ZNF354A: variants seen among roughly 807,000 people sequenced by gnomAD.
ZNF354A encodes the protein epididymis luminal protein 104.
In ZNF354A, 25 loss-of-function variants were observed where a neutral mutation model predicts 53.3. The observed-to-expected ratio is 0.47, with a 90% confidence interval of 0.34 to 0.66. ZNF354A has a LOEUF of 0.66. Ranked by LOEUF, ZNF354A falls within the 30% of genes least tolerant of loss-of-function variation. ZNF354A has a pLI of 0.01. For missense variants in ZNF354A, 586 were observed against 716.8 expected, an observed-to-expected ratio of 0.82 and a Z score of 2.08; for synonymous variants, 228 against 249.0, an observed-to-expected ratio of 0.92 and a Z score of 0.79.
intron 4 of ZNF354A, among the ~76,000 whole-genome samples, chr5:178,722,107 T>C (rs114119586): frequency 3.3e-4 from 51 of 152,302 alleles, no homozygotes; most frequent in African/African-American, 1.2e-3. Context: ...TTTACCTGTC[T>C]TCCCTATGGG....
chr5:178,717,093 A>T lies in ZNF354A; in HGVS notation c.257-3472T>A, dbSNP rs556534290. On this transcript the variant is annotated intron_variant, in intron 4 of 4. Transcript: ENST00000335815. ...ACTCCATCTCAAAAAAAAAAAAAAAAAAAGTAAACAAAAAATAAAAAACAA... is the reference window on the plus strand; with the variant it reads ...ACTCCATCTCAAAAAAAAAAAAAAATAAAGTAAACAAAAAATAAAAAACAA... Among the ~76,000 whole-genome samples the T allele has an allele frequency of 1.8e-3, 271 of 151,782 alleles. 2 individuals are homozygous for T. Among genetic ancestry groups the T allele is most frequent in the African/African-American group, 6.0e-3 (247 of 41,436 alleles).
At position 178,713,108 on chromosome 5, in the gene ZNF354A, A is replaced by C; in HGVS notation, c.770T>G (p.Leu257Arg). The C allele has an allele frequency of 6.2e-7, 1 of 1,613,982 alleles. No individual in the cohort carries two copies. Among genetic ancestry groups the C allele is most frequent in the Non-Finnish European group, 8.5e-7 (1 of 1,179,884 alleles). Residue 257 changes from leucine (L) to arginine (R), a missense_variant, in exon 5 of 5, where the codon CTT (leucine) becomes CGT (arginine). Leu to Arg is a moderately radical substitution (Grantham distance 102). Transcript: ENST00000335815. ...CSKAFSQSSA[L>R]IQHQITHTGE... The stretch of plus-strand genomic sequence containing the variant: ...AGTATGCGTTATTTGATGTTGAATA[A>C]GAGCTGAACTTTGGCTAAAGGCTTT...
In ZNF354A at chr5:178,718,918, T is replaced by A. The variant is rs184650798; in HGVS notation, c.257-5297A>T. 1.8e-3 allele frequency among the ~76,000 whole-genome samples: 273 copies of A among 152,176 alleles called. 2 individuals are homozygous for A. The highest frequency in any genetic ancestry group is 6.0e-3 in the African/African-American group (250 of 41,528). ...TGGCTAATATTTTTATCTTGCGTAG[T>A]GACAGGGTTTCATTGTGTTGCCCAG... On this transcript the variant is annotated intron_variant, in intron 4 of 4. Coordinates refer to ENST00000335815, the MANE Select transcript of ZNF354A (RefSeq NM_005649.3).
At chr5:178,714,748 T>A (rs1765683699) in intron 4 of ZNF354A, among the ~76,000 whole-genome samples, 1 of 152,022 alleles carries the variant, frequency 6.6e-6, no homozygotes, top group Non-Finnish European at 1.5e-5. Context: ...TATACATACA[T>A]ACACATACAT....
At chr5:178,722,429 C>CCTAT (rs1023114898) in intron 4 of ZNF354A, among the ~76,000 whole-genome samples, 135 of 152,318 alleles carry the variant, frequency 8.9e-4, no homozygotes, top group African/African-American at 3.1e-3. Context: ...TTCTAGTGTT[C>CCTAT]CTATCTCACT....
At chr5:178,721,702 C>T (rs577513338) in intron 4 of ZNF354A, among the ~76,000 whole-genome samples, 1 of 152,276 alleles carries the variant, frequency 6.6e-6, no homozygotes, top group Admixed American at 6.5e-5. Context: ...GTTCTTCTCA[C>T]TCTGCATCTT....
rs754816933 is a variant in ZNF354A at position 178,713,630 on chromosome 5, A to G, written c.257-9T>C. The G allele has an allele frequency of 4.9e-6, 7 of 1,438,186 alleles. No homozygotes were observed. Among genetic ancestry groups the G allele is most frequent in the South Asian group, 1.5e-5 (1 of 67,954 alleles). The allele number at this position is 1,438,186 out of a possible 1,614,324, so 89.1% of individuals were successfully genotyped here. Reference sequence around the variant, plus strand: ...ATGACTGCTCTTCGATCCTGGAGGGAAAAAAAAAATCAAAAATGTTTCATG... The same window carrying G: ...ATGACTGCTCTTCGATCCTGGAGGGGAAAAAAAAATCAAAAATGTTTCATG... On this transcript the variant is annotated splice_polypyrimidine_tract_variant and intron_variant, in intron 4 of 4. Coordinates refer to ENST00000335815, the MANE Select transcript of ZNF354A (RefSeq NM_005649.3).
chr5:178,719,438 A>G (rs1765767989), intron 4 of ZNF354A, among the ~76,000 whole-genome samples: 1 of 152,218 alleles, frequency 6.6e-6, no homozygotes, highest in African/African-American at 2.4e-5. Context: ...GCAGGTAGAA[A>G]AGGGGTGCAG....
intron 4 of ZNF354A, among the ~76,000 whole-genome samples, chr5:178,721,176 A>G (rs886579491): frequency 2.0e-5 from 3 of 152,160 alleles, no homozygotes; most frequent in Non-Finnish European, 4.4e-5. Context: ...TCTAAAAAAA[A>G]TAATTGCACT....
At chr5:178,717,226 T>C (rs1340184851) in intron 4 of ZNF354A, among the ~76,000 whole-genome samples, 1 of 151,516 alleles carries the variant, frequency 6.6e-6, no homozygotes, top group African/African-American at 2.4e-5. Context: ...TTCATTTGAG[T>C]TGGCTGCTGC....
chr5:178,726,206 C>T (rs757900915), intron 3 of ZNF354A: 2 of 455,726 alleles, frequency 4.4e-6, no homozygotes, highest in African/African-American at 2.0e-5. Context: ...AAATTCAGAC[C>T]ACTGCCTGTT....
At chr5:178,718,874 G>C (rs562269792) in intron 4 of ZNF354A, among the ~76,000 whole-genome samples, 2 of 152,068 alleles carry the variant, frequency 1.3e-5, no homozygotes, top group South Asian at 2.1e-4. Flanking sequence ...CAGGAACTAC[G>C]GGTGCACACT....
intron 3 of ZNF354A, 123 bp from the exon 4 acceptor site, chr5:178,725,594 T>C: frequency 2.0e-6 from 2 of 997,112 alleles, no homozygotes; most frequent in Non-Finnish European, 3.0e-6. Flanking sequence ...AGGGCTTCAG[T>C]TGTGCCCCTG....
rs1164677502 is a variant in ZNF354A, at chr5:178,726,264, T to C, written c.160+735A>G. 4 of 455,340 alleles carry C rather than the reference T, an allele frequency of 8.8e-6. No individual in the cohort carries two copies. In the Admixed American group the frequency reaches 9.4e-5, roughly 11 times the overall value. 28.2% of individuals were successfully genotyped at this position (455,340 alleles called of 1,614,324 possible). ...ATGGTGGGAAAAAAAAAGAGAAATA[T>C]GTTACGGAGACCATTACGCAGCCCA... is the stretch of plus-strand genomic sequence containing the variant. On this transcript the variant is annotated intron_variant, in intron 3 of 4. Transcript: ENST00000335815.
At chr5:178,724,740 A>G (rs139144204) in intron 4 of ZNF354A, among the ~76,000 whole-genome samples, 1 of 152,326 alleles carries the variant, frequency 6.6e-6, no homozygotes, top group African/African-American at 2.4e-5. Flanking sequence ...GCTTATGTGC[A>G]CATTACACAT....
At chr5:178,726,442 C>T (rs567105514) in intron 3 of ZNF354A, among the ~76,000 whole-genome samples, 3 of 151,944 alleles carry the variant, frequency 2.0e-5, no homozygotes, top group Non-Finnish European at 2.9e-5. Context: ...GGACTACAGG[C>T]GCCCGGCATC....
At chr5:178,730,055 C>A (rs1340116652) in intron 1 of ZNF354A, among the ~76,000 whole-genome samples, 1 of 151,898 alleles carries the variant, frequency 6.6e-6, no homozygotes, top group Non-Finnish European at 1.5e-5. Context: ...TTAGTAGAGA[C>A]GGGGTTTCAC....
intron 4 of ZNF354A, among the ~76,000 whole-genome samples, chr5:178,723,417 CACCA>C (rs779862998): frequency 2.0e-5 from 3 of 152,228 alleles, no homozygotes; most frequent in African/African-American, 2.4e-5. Context: ...GGCTCTCAAG[CACCA>C]ACCAAACCCT....
chr5:178,711,693 G>T lies in ZNF354A; in HGVS notation c.*367C>A. ...GCTATAAAAATATTACCAGTTTGGTGGTCTTCTAATGAGAAATCTAAAGCA... is the reference window on the plus strand; with the variant it reads ...GCTATAAAAATATTACCAGTTTGGTTGTCTTCTAATGAGAAATCTAAAGCA... On this transcript the variant is annotated 3_prime_UTR_variant, in exon 5 of 5. Transcript: ENST00000335815. 1 of 168,334 alleles carries T rather than the reference G, an allele frequency of 5.9e-6. No individual in the cohort carries two copies. The allele number at this position is 168,334 out of a possible 1,614,324, so 10.4% of individuals were successfully genotyped here.
Sources: allele counts gnomAD v4.1 joint callset (sites outside exome capture counted in the v4.1 genomes callset), GRCh38; gene constraint gnomAD v4.1.1; transcripts MANE v1.5; gene names NCBI Gene and HGNC (gene_info 2026-07-23, HGNC 2026-07-21).